The following XKR6 variants were observed in gnomAD, a reference collection of about 807,000 sequenced individuals.
The protein encoded by XKR6 is XK-related protein 6.
XKR6 carries 22 observed loss-of-function variants against 56.7 expected under a neutral mutation model. That is an observed-to-expected ratio of 0.39 (90% CI 0.28 to 0.55). The LOEUF (loss-of-function observed/expected upper bound fraction) is 0.55. Among genes scored for constraint, XKR6 ranks in the 20% least tolerant of loss-of-function variants. The pLI is 0.66. For missense variants in XKR6, 852 were observed against 889.0 expected (o/e 0.96, Z 0.53); for synonymous variants, 524 against 387.8 (o/e 1.35, Z -4.13).
intron 1 of XKR6, among the ~76,000 whole-genome samples, chr8:11,009,372 A>C (rs970993769): frequency 2.6e-5 from 4 of 152,072 alleles, no homozygotes; most frequent in Non-Finnish European, 5.9e-5. Context: ...TTAGTCAGAC[A>C]TGGTGGTGTG....
intron 1 of XKR6, among the ~76,000 whole-genome samples, chr8:11,008,220 A>C (rs1798417093): frequency 6.6e-6 from 1 of 152,024 alleles, no homozygotes; most frequent in Non-Finnish European, 1.5e-5. Context: ...TGTCTTCCCC[A>C]ATCCATCCCA....
At chr8:11,193,189 A>G (rs924545455) in intron 1 of XKR6, among the ~76,000 whole-genome samples, 5 of 152,228 alleles carry the variant, frequency 3.3e-5, no homozygotes, top group South Asian at 4.1e-4. Context: ...AATGATGAGC[A>G]CAGTCCATGC....
At position 11,009,094 on chromosome 8, in the gene XKR6, G is replaced by C. The variant is rs1388944223; in HGVS notation, c.765-84264C>G. ...GGTAGTCAGCAGCTGTGTGGGGAGG[G>C]GGGTGGGAGGTCCTGTTCTGGAGCT... is the stretch of plus-strand genomic sequence containing the variant. On this transcript the variant is annotated intron_variant, in intron 1 of 2. Transcript: ENST00000416569. Among the ~76,000 whole-genome samples, 3 of 136,988 alleles carry C rather than the reference G, an allele frequency of 2.2e-5. No individual in the cohort carries two copies. The East Asian group carries it at 8.2e-4, about 37-fold the overall frequency. 89.9% of individuals were successfully genotyped at this position (136,988 alleles called of 152,430 possible).
intron 1 of XKR6, among the ~76,000 whole-genome samples, chr8:10,993,941 A>G (rs180904035): frequency 6.6e-6 from 1 of 152,140 alleles, no homozygotes; most frequent in Admixed American, 6.5e-5. Context: ...GCAGACCTGA[A>G]CTCAGCAAAC....
rs373709070 is a variant in XKR6, at chr8:10,952,073, T to C, written c.765-27243A>G. On this transcript the variant is annotated intron_variant, in intron 1 of 2. Transcript: ENST00000416569. ...CTATAAAGGGCACATGCAGCACAGG[T>C]CCACGGCATGACCTCCTGCAGCCCT... 4.6e-5 allele frequency among the ~76,000 whole-genome samples: 7 copies of C among 152,114 alleles called. No individual in the cohort carries two copies. The East Asian group carries it at 7.8e-4, about 17-fold the overall frequency.
At chr8:11,063,653 AG>A (rs1172980275) in intron 1 of XKR6, among the ~76,000 whole-genome samples, 1 of 152,110 alleles carries the variant, frequency 6.6e-6, no homozygotes, top group Non-Finnish European at 1.5e-5. Context: ...TGGGTAGGGG[AG>A]GTACCAGTAA....
chr8:10,909,096 G>A (rs895839733), intron 2 of XKR6, among the ~76,000 whole-genome samples: 1 of 151,964 alleles, frequency 6.6e-6, no homozygotes, highest in Admixed American at 6.5e-5. Context: ...AACTGGGGAG[G>A]TGGAGGTTGC....
At chr8:11,192,654 G>C (rs566776552) in intron 1 of XKR6, among the ~76,000 whole-genome samples, 1 of 152,150 alleles carries the variant, frequency 6.6e-6, no homozygotes, top group East Asian at 1.9e-4. Context: ...AATGGTAACA[G>C]GTGTTCATTA....
At chr8:11,036,616 C>A (rs1263456492) in intron 1 of XKR6, among the ~76,000 whole-genome samples, 1 of 152,226 alleles carries the variant, frequency 6.6e-6, no homozygotes, top group African/African-American at 2.4e-5. Flanking sequence ...CATGCTTAAT[C>A]TGATGCATGC....
chr8:10,957,924 TAAA>T (rs35987493), intron 1 of XKR6, among the ~76,000 whole-genome samples: 2 of 148,292 alleles, frequency 1.3e-5, no homozygotes, highest in Non-Finnish European at 3.0e-5. Context: ...ATCAAAGTGT[TAAA>T]AAAAAAAACT....
chr8:11,014,486 TA>T (rs1240185162), intron 1 of XKR6, among the ~76,000 whole-genome samples: 1 of 152,058 alleles, frequency 6.6e-6, no homozygotes, highest in Non-Finnish European at 1.5e-5. Flanking sequence ...ACACTTCCAG[TA>T]AGGTTGGAGC....
At chr8:10,967,753 G>A (rs964462804) in intron 1 of XKR6, among the ~76,000 whole-genome samples, 37 of 152,358 alleles carry the variant, frequency 2.4e-4, no homozygotes, top group Middle Eastern at 3.4e-3. Flanking sequence ...CTACAGCGAC[G>A]TGCTGGAGCT....
At chr8:11,045,021 T>G (rs1342610519) in intron 1 of XKR6, among the ~76,000 whole-genome samples, 1 of 151,272 alleles carries the variant, frequency 6.6e-6, no homozygotes, top group African/African-American at 2.4e-5. Flanking sequence ...CTTTGCTTAC[T>G]TGTAACATTC....
chr8:11,090,751 A>C (rs1424074798), intron 1 of XKR6, among the ~76,000 whole-genome samples: 3 of 145,762 alleles, frequency 2.1e-5, no homozygotes, highest in African/African-American at 7.8e-5. Context: ...TATTGGGTTG[A>C]AGGAGGTTCT....
At chr8:10,912,304 GTGTA>G (rs1311491455) in intron 2 of XKR6, among the ~76,000 whole-genome samples, 1 of 23,884 alleles carries the variant, frequency 4.2e-5, no homozygotes, top group Non-Finnish European at 7.5e-5. Context: ...TAAAGAGAGG[GTGTA>G]TATATATATA....
intron 1 of XKR6, among the ~76,000 whole-genome samples, chr8:10,931,983 C>G (rs4841460): frequency 0.47 from 71,984 of 151,982 alleles, 18,030 homozygotes; most frequent in African/African-American, 0.58. Context: ...ACAAAGAACT[C>G]TTAAAGCTCA....
At chr8:11,111,399 A>T (rs1798883982) in intron 1 of XKR6, among the ~76,000 whole-genome samples, 1 of 152,122 alleles carries the variant, frequency 6.6e-6, no homozygotes, top group African/African-American at 2.4e-5. Context: ...CCACAAGTAT[A>T]TTTGGATATA....
chr8:10,924,760 C>T lies in XKR6; in HGVS notation c.835G>A (p.Ala279Thr), dbSNP rs1440480068. ...ACGTCTGCATATTCATACATCATAGCCCAGTAGAAGCGTCGCTGGTGTTCC... is the reference window on the plus strand; with the variant it reads ...ACGTCTGCATATTCATACATCATAGTCCAGTAGAAGCGTCGCTGGTGTTCC... ...RKEHQRRFYWAMMYEYADVNM... is the reference protein window; with the variant it reads ...RKEHQRRFYWTMMYEYADVNM... Residue 279 changes from alanine (A) to threonine (T), a missense_variant, in exon 2 of 3, where the codon GCT (alanine) becomes ACT (threonine). Physicochemically the swap from Ala to Thr is moderately conservative, Grantham distance 58. Around this residue, in one of 4 missense-constraint regions of XKR6, gnomAD observed 199 missense variants for 280.4 expected, o/e 0.71. Transcript: ENST00000416569. 4 of 1,613,958 alleles carry T rather than the reference C, an allele frequency of 2.5e-6. No individual in the cohort carries two copies.
chr8:11,016,387 C>G (rs1033069656), intron 1 of XKR6, among the ~76,000 whole-genome samples: 21 of 152,136 alleles, frequency 1.4e-4, no homozygotes, highest in Admixed American at 9.2e-4. Context: ...GCGGGGACGC[C>G]GGGGACTCGG....
Sources: gnomAD v4.1 joint callset for allele counts (sites outside exome capture counted in the v4.1 genomes callset) on GRCh38, gnomAD v4.1.1 for gene constraint, gnomAD v4.1.1 regional missense constraint, MANE v1.5 for transcripts, NCBI Gene and HGNC (gene_info 2026-07-23, HGNC 2026-07-21) for gene names.